METTL15: variants seen among roughly 807,000 people sequenced by gnomAD.
METTL15 encodes the protein methyltransferase 15, mitochondrial 12S rRNA N4-cytidine.
In METTL15, 34 loss-of-function variants were observed where a neutral mutation model predicts 38.3. The ratio of observed to expected loss-of-function variants is 0.89; its 90% CI spans 0.68 to 1.18. METTL15 has a LOEUF of 1.18. Among genes scored for constraint, METTL15 ranks in the 50% most tolerant of loss-of-function variants. The pLI, the probability that METTL15 is intolerant of heterozygous loss-of-function variation, is 0.00. For synonymous variants in METTL15, 162 were observed against 170.9 expected (o/e 0.95, Z 0.41); for missense variants, 438 against 498.4 (o/e 0.88, Z 1.15).
intron 4 of METTL15, among the ~76,000 whole-genome samples, chr11:28,245,589 C>G (rs1854476193): frequency 6.6e-6 from 1 of 152,100 alleles, no homozygotes; most frequent in South Asian, 2.1e-4. Flanking sequence ...CAGTGTCTAA[C>G]AGGCATATAT....
At chr11:28,257,362 G>A (rs935329416) in intron 4 of METTL15, among the ~76,000 whole-genome samples, 1 of 152,106 alleles carries the variant, frequency 6.6e-6, no homozygotes, top group Non-Finnish European at 1.5e-5. Context: ...ATGCCTTGAG[G>A]TAGTCTTCTT....
intron 3 of METTL15, among the ~76,000 whole-genome samples, chr11:28,142,106 AT>A (rs1213418524): frequency 6.6e-6 from 1 of 152,226 alleles, no homozygotes; most frequent in Non-Finnish European, 1.5e-5. Context: ...GAGAAACCAA[AT>A]GTCAAAAAAC....
chr11:28,277,869 GA>G (rs1855903525), intron 4 of METTL15, among the ~76,000 whole-genome samples: 1 of 152,106 alleles, frequency 6.6e-6, no homozygotes, highest in African/African-American at 2.4e-5. Context: ...AGGTTGAGTG[GA>G]AAGATAACAG....
At chr11:28,347,092 T>G (rs368969672) in intron 3 of METTL15, among the ~76,000 whole-genome samples, 2 of 152,344 alleles carry the variant, frequency 1.3e-5, no homozygotes, top group African/African-American at 4.8e-5. Context: ...TTCACATGTT[T>G]CCTTGGAATT....
At chr11:28,395,534 AC>A (rs1394257878) in intron 5 of METTL15, among the ~76,000 whole-genome samples, 13 of 152,140 alleles carry the variant, frequency 8.5e-5, no homozygotes, top group Non-Finnish European at 1.3e-4. Flanking sequence ...GGACACATAC[AC>A]CCTCCCAAGA....
intron 5 of METTL15, among the ~76,000 whole-genome samples, chr11:28,376,850 G>T (rs558391151): frequency 1.4e-5 from 2 of 145,562 alleles, no homozygotes; most frequent in African/African-American, 2.5e-5. Context: ...TTTAGGGCAG[G>T]CCTGGTGGTG....
chr11:28,407,433 C>A (rs1238389139), intron 5 of METTL15, among the ~76,000 whole-genome samples: 3 of 152,066 alleles, frequency 2.0e-5, no homozygotes, highest in Non-Finnish European at 4.4e-5. Flanking sequence ...GTCTAATATC[C>A]AGCATCTGGA....
At chr11:28,234,085 G>A (rs1374517303) in intron 4 of METTL15, among the ~76,000 whole-genome samples, 4 of 151,740 alleles carry the variant, frequency 2.6e-5, no homozygotes. Flanking sequence ...ATAGTTTACT[G>A]AGAATGATAA....
At chr11:28,305,924 A>G (rs920207149) in intron 6 of METTL15, among the ~76,000 whole-genome samples, 5 of 152,128 alleles carry the variant, frequency 3.3e-5, no homozygotes, top group Non-Finnish European at 7.4e-5. Context: ...ACATGAAAAG[A>G]TGAATGAACA....
At chr11:28,464,798 A>G (rs1252161132) in intron 6 of METTL15, among the ~76,000 whole-genome samples, 1 of 152,150 alleles carries the variant, frequency 6.6e-6, no homozygotes, top group Non-Finnish European at 1.5e-5. Context: ...AATGAGAACT[A>G]TTTCCTCTAA....
chr11:28,196,977 T>C (rs1394433205), intron 3 of METTL15, among the ~76,000 whole-genome samples: 3 of 152,014 alleles, frequency 2.0e-5, no homozygotes, highest in South Asian at 4.1e-4. Flanking sequence ...CCAAAGTCTT[T>C]TAAAGTATTA....
intron 4 of METTL15, among the ~76,000 whole-genome samples, chr11:28,353,675 C>T (rs976638757): frequency 6.6e-6 from 1 of 152,056 alleles, no homozygotes; most frequent in Non-Finnish European, 1.5e-5. Context: ...CCTGTAATCC[C>T]AGCACTTTGG....
At chr11:28,141,982 G>A (rs528163820) in intron 3 of METTL15, among the ~76,000 whole-genome samples, 42 of 152,262 alleles carry the variant, frequency 2.8e-4, no homozygotes, top group Non-Finnish European at 5.4e-4. Flanking sequence ...AGGAATGAAC[G>A]TACAGACAAC....
At chr11:28,429,309 T>A (rs1048002292) in intron 6 of METTL15, among the ~76,000 whole-genome samples, 2 of 151,888 alleles carry the variant, frequency 1.3e-5, no homozygotes, top group Non-Finnish European at 2.9e-5. Flanking sequence ...GAAATATTGG[T>A]AAAAAGTGCC....
At chr11:28,322,644 A>G (rs1849510244) in intron 6 of METTL15, among the ~76,000 whole-genome samples, 2 of 152,142 alleles carry the variant, frequency 1.3e-5, no homozygotes, top group South Asian at 4.1e-4. Context: ...CCTTTGACCT[A>G]ACAACTCCAA....
intron 4 of METTL15, among the ~76,000 whole-genome samples, chr11:28,355,227 G>A (rs778405844): frequency 4.6e-5 from 7 of 152,126 alleles, no homozygotes; most frequent in Non-Finnish European, 1.0e-4. Context: ...TCATATAACC[G>A]TATCCCTATG....
chr11:28,288,905 C>T (rs1475960609), intron 4 of METTL15, among the ~76,000 whole-genome samples: 1 of 152,062 alleles, frequency 6.6e-6, no homozygotes, highest in Non-Finnish European at 1.5e-5. Context: ...ATATTCACAA[C>T]TTAGAATTGG....
At chr11:28,130,829 T>G (rs993627888) in intron 3 of METTL15, among the ~76,000 whole-genome samples, 4 of 152,224 alleles carry the variant, frequency 2.6e-5, no homozygotes, top group Admixed American at 1.3e-4. Flanking sequence ...TATGCAATAG[T>G]TACATTTCTA....
intron 3 of METTL15, among the ~76,000 whole-genome samples, chr11:28,341,747 T>A (rs1849954711): frequency 1.3e-5 from 2 of 152,232 alleles, no homozygotes. Context: ...TCTACTTACT[T>A]ATCTGTAAAA....
Sources: allele counts gnomAD v4.1 joint callset (sites outside exome capture counted in the v4.1 genomes callset), GRCh38; gene constraint gnomAD v4.1.1; transcripts MANE v1.5; gene names NCBI Gene and HGNC (gene_info 2026-07-23, HGNC 2026-07-21).